The following TENM2 variants were observed in gnomAD, a reference collection of about 807,000 sequenced individuals.
TENM2 encodes teneurin-2.
A neutral mutation model predicts 245.2 loss-of-function variants in TENM2; 52 were observed. The ratio of observed to expected loss-of-function variants is 0.21; its 90% confidence interval spans 0.17 to 0.27. The LOEUF (loss-of-function observed/expected upper bound fraction) is 0.27, where lower values mean the gene tolerates loss of function less well. Among genes scored for constraint, TENM2 ranks in the 10% least tolerant of loss-of-function variants. TENM2 has a pLI of 1.00. For missense variants in TENM2, 3,046 were observed against 3,666.8 expected (o/e 0.83, Z 4.37); for synonymous variants, 1,363 against 1,438.9 (o/e 0.95, Z 1.19).
chr5:167,684,644 C>T lies in TENM2; in HGVS notation c.503-191342C>T, dbSNP rs117204886. 4.1e-3 allele frequency among the ~76,000 whole-genome samples: 625 copies of T among 152,242 alleles called. 13 individuals are homozygous for T. The East Asian group carries it at 0.05, about 12-fold the overall frequency. On this transcript the variant is annotated intron_variant, in intron 2 of 28. Transcript: ENST00000518659. ...TTGAGAGGATAAAGTATGCTATAGG[C>T]TATTTTAAGGGTACTAAATTATTTC...
chr5:167,355,584 T>A (rs1759258006), intron 1 of TENM2, among the ~76,000 whole-genome samples: 1 of 152,200 alleles, frequency 6.6e-6, no homozygotes, highest in South Asian at 2.1e-4. Context: ...ATTTCCCTGG[T>A]GGTCTGCTCA....
At chr5:168,192,607 T>C (rs1442515735) in intron 14 of TENM2, among the ~76,000 whole-genome samples, 1 of 152,192 alleles carries the variant, frequency 6.6e-6, no homozygotes, top group Non-Finnish European at 1.5e-5. Flanking sequence ...CTATACACAG[T>C]ATTATTACTG....
chr5:168,106,104 G>A lies in TENM2; in HGVS notation c.1813+7977G>A, dbSNP rs145652184. Among the ~76,000 whole-genome samples the A allele has an allele frequency of 2.8e-3, 433 of 152,206 alleles. 2 individuals are homozygous for A. Among genetic ancestry groups the A allele is most frequent in the African/African-American group, 9.9e-3 (409 of 41,516 alleles). Reference sequence around the variant, plus strand: ...CAGAGCCGTAGTTGTTAGGTAATGCGTATTTAATAGCTATTAGAAATGACA... The same window carrying A: ...CAGAGCCGTAGTTGTTAGGTAATGCATATTTAATAGCTATTAGAAATGACA... On this transcript the variant is annotated intron_variant, in intron 9 of 28. Transcript: ENST00000518659.
chr5:167,499,030 G>C (rs1769004372), intron 2 of TENM2, among the ~76,000 whole-genome samples: 1 of 152,068 alleles, frequency 6.6e-6, no homozygotes, highest in Admixed American at 6.6e-5. Flanking sequence ...AGAATCTAGT[G>C]ACGTTGTTTC....
At chr5:167,709,485 C>T (rs754175826) in intron 2 of TENM2, among the ~76,000 whole-genome samples, 1 of 152,174 alleles carries the variant, frequency 6.6e-6, no homozygotes, top group Non-Finnish European at 1.5e-5. Context: ...CTAATGTCCA[C>T]AACACTTATA....
At chr5:167,493,108 C>T (rs75645168) in intron 2 of TENM2, among the ~76,000 whole-genome samples, 1,741 of 152,072 alleles carry the variant, frequency 0.011, 32 homozygotes, top group African/African-American at 0.039. Context: ...CTGATAGGTT[C>T]ATATTCATTG....
the TENM2 span, among the ~76,000 whole-genome samples, chr5:167,232,830 G>A: frequency 0.21 from 31,843 of 152,174 alleles, 3,931 homozygotes; most frequent in African/African-American, 0.34. Context: ...ACAACAGAGA[G>A]TTTTCAAGTT....
intron 2 of TENM2, among the ~76,000 whole-genome samples, chr5:167,550,344 T>C (rs903968556): frequency 3.9e-5 from 6 of 152,164 alleles, no homozygotes; most frequent in Non-Finnish European, 8.8e-5. Flanking sequence ...TGAGCGCTGA[T>C]TTACATTAGT....
intron 2 of TENM2, among the ~76,000 whole-genome samples, chr5:167,738,084 C>T (rs1324044550): frequency 6.6e-6 from 1 of 152,236 alleles, no homozygotes; most frequent in African/African-American, 2.4e-5. Flanking sequence ...TTTGTCCTTG[C>T]TTTTCAGCAT....
chr5:167,212,250 GCCA>G, the TENM2 span, among the ~76,000 whole-genome samples: 7 of 144,926 alleles, frequency 4.8e-5, no homozygotes, highest in South Asian at 1.5e-3. Context: ...ACCTGCAGCC[GCCA>G]CCCCAGGTGA....
At chr5:167,191,966 A>C in the TENM2 span, among the ~76,000 whole-genome samples, 3 of 152,080 alleles carry the variant, frequency 2.0e-5, no homozygotes, top group African/African-American at 7.2e-5. Context: ...ATCCATTAGC[A>C]ACTTCCGTAC....
chr5:167,464,572 C>T (rs1314608003), intron 2 of TENM2, among the ~76,000 whole-genome samples: 1 of 152,014 alleles, frequency 6.6e-6, no homozygotes, highest in Non-Finnish European at 1.5e-5. Flanking sequence ...ATGTTTCTTG[C>T]TATTTAGTAT....
intron 2 of TENM2, among the ~76,000 whole-genome samples, chr5:167,864,576 C>T (rs893435327): frequency 6.6e-6 from 1 of 152,210 alleles, no homozygotes; most frequent in Admixed American, 6.5e-5. Flanking sequence ...CAATATTTGA[C>T]ATTCAATCTG....
intron 5 of TENM2, among the ~76,000 whole-genome samples, chr5:168,019,829 G>A (rs1785986189): frequency 2.0e-5 from 3 of 152,300 alleles, no homozygotes; most frequent in Admixed American, 1.3e-4. Flanking sequence ...GCCACTGAAT[G>A]ATGTTTTAAG....
chr5:167,138,947 C>T, the TENM2 span, among the ~76,000 whole-genome samples: 24 of 152,132 alleles, frequency 1.6e-4, no homozygotes, highest in African/African-American at 5.8e-4. Context: ...TATATGGTTT[C>T]TGGGAAAGAC....
In TENM2 at chr5:168,101,234, A is replaced by G. The variant is rs1204049323; in HGVS notation, c.1813+3107A>G. Among the ~76,000 whole-genome samples the G allele has an allele frequency of 4.6e-5, 7 of 152,226 alleles. No homozygotes were observed. In the South Asian group the frequency reaches 1.2e-3, roughly 27 times the overall value. On this transcript the variant is annotated intron_variant, in intron 9 of 28. Coordinates refer to ENST00000518659, the Ensembl canonical transcript of TENM2. ...ATCTAATTTTCCTGGGAGTGAAGAC[A>G]TTAATGAGAAGAAGGACAGAGTCGG...
intron 1 of TENM2, among the ~76,000 whole-genome samples, chr5:167,327,976 TAGTG>T (rs1322495449): frequency 3.3e-5 from 5 of 152,262 alleles, no homozygotes; most frequent in Non-Finnish European, 7.4e-5. Context: ...TAGGCTAAGA[TAGTG>T]AGAGTGCAGA....
At chr5:168,095,730 A>G (rs1472103153) in intron 8 of TENM2, among the ~76,000 whole-genome samples, 2 of 152,178 alleles carry the variant, frequency 1.3e-5, no homozygotes, top group Non-Finnish European at 2.9e-5. Context: ...TAGTAGACTG[A>G]ATCATATGTA....
intron 2 of TENM2, among the ~76,000 whole-genome samples, chr5:167,583,803 T>TA (rs1561574248): frequency 6.6e-6 from 1 of 152,200 alleles, no homozygotes; most frequent in Non-Finnish European, 1.5e-5. Flanking sequence ...TTCTACATTT[T>TA]CCATTCCATC....
Sources: gnomAD v4.1 joint callset for allele counts (sites outside exome capture counted in the v4.1 genomes callset) on GRCh38, gnomAD v4.1.1 for gene constraint, MANE v1.5 for transcripts, NCBI Gene and HGNC (gene_info 2026-07-23, HGNC 2026-07-21) for gene names.